The following SYNDIG1 variants were observed in gnomAD, a reference collection of about 807,000 sequenced individuals.
SYNDIG1 encodes the protein synapse differentiation inducing 1, also known as synapse differentiation-inducing gene protein 1.
In SYNDIG1, 9 loss-of-function variants were observed where a neutral mutation model predicts 19.4. The observed-to-expected ratio is 0.46, with a 90% CI of 0.28 to 0.81. The LOEUF is 0.81. SYNDIG1 is among the 30% of genes least tolerant of loss of function. The pLI, the probability that SYNDIG1 is intolerant of heterozygous loss-of-function variation, is 0.12. For missense variants in SYNDIG1, 311 were observed against 343.3 expected, an observed-to-expected ratio of 0.91 and a Z score of 0.74; for synonymous variants, 141 against 145.9, an observed-to-expected ratio of 0.97 and a Z score of 0.24.
intron 2 of SYNDIG1, among the ~76,000 whole-genome samples, chr20:24,566,404 A>AAGAAATAAATGAAACTATCAG (rs2058042579): frequency 6.6e-6 from 1 of 152,220 alleles, no homozygotes; most frequent in African/African-American, 2.4e-5. Context: ...GAAATATCTG[A>AAGAAATAAATGAAACTATCAG]AGAAATAAAT....
At chr20:24,482,193 T>C (rs1254755392) in intron 1 of SYNDIG1, among the ~76,000 whole-genome samples, 1 of 152,144 alleles carries the variant, frequency 6.6e-6, no homozygotes, top group Non-Finnish European at 1.5e-5. Flanking sequence ...ACTTGTTTTT[T>C]GGTTTTTGTT....
intron 3 of SYNDIG1, among the ~76,000 whole-genome samples, chr20:24,656,911 C>T (rs1422891479): frequency 6.6e-6 from 1 of 152,216 alleles, no homozygotes; most frequent in Admixed American, 6.5e-5. Flanking sequence ...ACGGATCCCT[C>T]ATGGCTTGGT....
At chr20:24,607,646 G>C (rs565832667) in intron 3 of SYNDIG1, among the ~76,000 whole-genome samples, 6 of 152,320 alleles carry the variant, frequency 3.9e-5, no homozygotes, top group African/African-American at 1.4e-4. Flanking sequence ...CCTGCTTCAA[G>C]GGCCGAAATT....
intron 1 of SYNDIG1, among the ~76,000 whole-genome samples, chr20:24,518,493 C>T (rs73343326): frequency 0.01 from 1,561 of 152,272 alleles, 18 homozygotes; most frequent in African/African-American, 0.031. Flanking sequence ...ATCCTTGTCC[C>T]GTTGGCAACA....
chr20:24,594,925 T>C (rs1379436536), intron 3 of SYNDIG1, among the ~76,000 whole-genome samples: 1 of 152,210 alleles, frequency 6.6e-6, no homozygotes, highest in Non-Finnish European at 1.5e-5. Flanking sequence ...GTAGAGACTA[T>C]GGGTTTTTCT....
intron 3 of SYNDIG1, among the ~76,000 whole-genome samples, chr20:24,600,293 G>A (rs757727413): frequency 1.3e-4 from 20 of 152,130 alleles, no homozygotes; most frequent in South Asian, 8.3e-4. Context: ...TTTTAGCACC[G>A]TTAATGTGAA....
intron 1 of SYNDIG1, among the ~76,000 whole-genome samples, chr20:24,477,031 C>T (rs1024971319): frequency 1.3e-5 from 2 of 152,194 alleles, no homozygotes; most frequent in Admixed American, 1.3e-4. Context: ...ATTTTAGAAC[C>T]ATAGACATGA....
intron 1 of SYNDIG1, among the ~76,000 whole-genome samples, chr20:24,518,007 G>A (rs781491652): frequency 6.6e-5 from 10 of 151,308 alleles, no homozygotes; most frequent in South Asian, 2.1e-4. Context: ...GGGCTTCTCC[G>A]TGTTAGCCAG....
At chr20:24,489,503 A>G (rs2056084149) in intron 1 of SYNDIG1, among the ~76,000 whole-genome samples, 1 of 151,598 alleles carries the variant, frequency 6.6e-6, no homozygotes, top group South Asian at 2.1e-4. Context: ...GGACACATAG[A>G]CACAGATACA....
chr20:24,615,845 C>G (rs1568686824), intron 3 of SYNDIG1, among the ~76,000 whole-genome samples: 2 of 150,632 alleles, frequency 1.3e-5, no homozygotes, highest in Non-Finnish European at 2.9e-5. Flanking sequence ...CCACCCGCCC[C>G]TCTCTGTAGA....
intron 3 of SYNDIG1, among the ~76,000 whole-genome samples, chr20:24,641,626 C>T (rs922503009): frequency 6.6e-6 from 1 of 152,250 alleles, no homozygotes; most frequent in East Asian, 1.9e-4. Flanking sequence ...AAACTAGATA[C>T]TCAGATAAAA....
intron 2 of SYNDIG1, among the ~76,000 whole-genome samples, chr20:24,582,260 A>C (rs1284966716): frequency 2.2e-5 from 1 of 45,780 alleles, no homozygotes; most frequent in Admixed American, 3.1e-4. Flanking sequence ...CCCCCTTCAC[A>C]TACTTCCCAC....
chr20:24,561,527 G>A (rs2057945934), intron 2 of SYNDIG1, among the ~76,000 whole-genome samples: 1 of 152,130 alleles, frequency 6.6e-6, no homozygotes, highest in African/African-American at 2.4e-5. Flanking sequence ...GCACTTCATG[G>A]ACCAAGCTGA....
intron 1 of SYNDIG1, among the ~76,000 whole-genome samples, chr20:24,532,940 TG>T (rs1231348268): frequency 1.3e-5 from 2 of 152,206 alleles, no homozygotes; most frequent in Non-Finnish European, 2.9e-5. Context: ...TGGAGGTTGC[TG>T]GAGCAGTCAT....
chr20:24,632,442 G>A (rs541630171), intron 3 of SYNDIG1, among the ~76,000 whole-genome samples: 11 of 152,138 alleles, frequency 7.2e-5, no homozygotes, highest in South Asian at 4.1e-4. Flanking sequence ...GTTTCACCAC[G>A]TTGGCCAGGC....
At chr20:24,485,802 G>A (rs956443413) in intron 1 of SYNDIG1, among the ~76,000 whole-genome samples, 23 of 152,102 alleles carry the variant, frequency 1.5e-4, no homozygotes, top group African/African-American at 5.6e-4. Context: ...AGCTCAGTGC[G>A]GTTGGAGCTG....
chr20:24,553,460 C>A lies in SYNDIG1; in HGVS notation c.480+9883C>A, dbSNP rs371204916. Reference sequence around the variant, plus strand: ...TGGTTTTAGGTCTAACATGTAAGTCCTTAATCCATCTTGAATTAATTTTTG... The same window carrying A: ...TGGTTTTAGGTCTAACATGTAAGTCATTAATCCATCTTGAATTAATTTTTG... On this transcript the variant is annotated intron_variant, in intron 2 of 3. Transcript: ENST00000376862. Among the ~76,000 whole-genome samples the A allele has an allele frequency of 6.6e-5, 10 of 152,120 alleles. No individual in the cohort carries two copies. In the South Asian group the frequency reaches 2.1e-3, roughly 32 times the overall value.
chr20:24,564,140 CATA>C (rs548394572), intron 2 of SYNDIG1, among the ~76,000 whole-genome samples: 178 of 152,088 alleles, frequency 1.2e-3, no homozygotes, highest in African/African-American at 4.2e-3. Context: ...CTTATCATAT[CATA>C]ATATTATAAG....
chr20:24,621,387 T>A (rs2032587120), intron 3 of SYNDIG1, among the ~76,000 whole-genome samples: 1 of 152,254 alleles, frequency 6.6e-6, no homozygotes, highest in Admixed American at 6.5e-5. Context: ...AAACACCAAT[T>A]TGGCATTCTC....
Sources: allele counts gnomAD v4.1 joint callset (sites outside exome capture counted in the v4.1 genomes callset), GRCh38; gene constraint gnomAD v4.1.1; transcripts MANE v1.5; gene names NCBI Gene and HGNC (gene_info 2026-07-23, HGNC 2026-07-21).